TCTN2: variants seen among roughly 807,000 people sequenced by gnomAD.
TCTN2 encodes the protein tectonic-2.
Under a neutral mutation model 83.4 loss-of-function variants are expected in TCTN2, and 66 were observed. The observed-to-expected ratio is 0.79, with a 90% CI of 0.65 to 0.97. The LOEUF (loss-of-function observed/expected upper bound fraction) is 0.97. Ranked by LOEUF, TCTN2 falls within the 50% of genes least tolerant of loss-of-function variation. The pLI is 0.00. For missense variants in TCTN2, 794 were observed against 858.1 expected, an observed-to-expected ratio of 0.93 and a Z score of 0.93; for synonymous variants, 301 against 326.7, an observed-to-expected ratio of 0.92 and a Z score of 0.85.
chr12:123,671,657 G>A, intron 2 of TCTN2, 43 bp downstream of exon 2: 1 of 1,561,284 alleles, frequency 6.4e-7, no homozygotes, highest in Non-Finnish European at 8.8e-7. Context: ...GGTTGGACTG[G>A]ATCCAGACCT....
intron 5 of TCTN2, among the ~76,000 whole-genome samples, chr12:123,684,309 T>C (rs76862138): frequency 0.011 from 1,654 of 152,186 alleles, 37 homozygotes; most frequent in African/African-American, 0.038. Context: ...ACATAAGATC[T>C]ACCCTCTTAG....
At chr12:123,680,339 C>T (rs1344095516) in intron 5 of TCTN2, among the ~76,000 whole-genome samples, 15 of 126,468 alleles carry the variant, frequency 1.2e-4, no homozygotes, top group African/African-American at 3.6e-4. Context: ...GCAACAAGAG[C>T]GAAACTCCGT....
Position 123,671,612 on chromosome 12 carries a change from C to T in TCTN2, c.188C>T (p.Ala63Val). 3 of 1,611,414 alleles carry T rather than the reference C, an allele frequency of 1.9e-6. No individual in the cohort carries two copies. The highest frequency in any genetic ancestry group is 1.7e-6 in the Non-Finnish European group (2 of 1,179,646). ...TCCCTGGCAGTGCTGCAGGACGAGG[C>T]GGGTAAAGTCCGGCCCTCTTTTGGG... is the stretch of plus-strand genomic sequence containing the variant. ...TVSLAVLQDE[A>V]GILPIPTCGV... is the part of the protein sequence containing the mutation. The change falls in exon 2 of 18, where the codon GCG becomes GTG. Residue 63 changes from alanine to valine, a missense_variant and splice_region_variant. Ala to Val is a moderately conservative substitution (Grantham distance 64, BLOSUM62 0). Coordinates refer to ENST00000303372, the MANE Select transcript of TCTN2 (RefSeq NM_024809.5).
chr12:123,674,271 T>TTC (rs1006849050), intron 4 of TCTN2, among the ~76,000 whole-genome samples: 3 of 152,150 alleles, frequency 2.0e-5, no homozygotes, highest in African/African-American at 7.2e-5. Flanking sequence ...TGTACATTGA[T>TTC]TCTCTCTCTT....
chr12:123,673,871 G>T lies in TCTN2; in HGVS notation c.463+61G>T, dbSNP rs191555830. On this transcript the variant is annotated intron_variant, in intron 4 of 17. Coordinates refer to ENST00000303372, the MANE Select transcript of TCTN2 (RefSeq NM_024809.5). ...TGTTCCCAGCTACTTAGGAGGAAGA[G>T]GTAGGAGGATTGCTTGAGCCCGGGA... is the stretch of plus-strand genomic sequence containing the variant. The T allele has an allele frequency of 3.3e-4, 507 of 1,547,130 alleles. 2 individuals are homozygous for T. The African/African-American group carries it at 5.8e-3, about 18-fold the overall frequency.
intron 7 of TCTN2, among the ~76,000 whole-genome samples, chr12:123,688,851 G>T (rs1384794248): frequency 6.6e-6 from 1 of 151,908 alleles, no homozygotes; most frequent in Non-Finnish European, 1.5e-5. Flanking sequence ...TGCCTCCCGG[G>T]TTCAAGCGAT....
At position 123,696,444 on chromosome 12, in the gene TCTN2, C is replaced by G. The variant is rs1220219365; in HGVS notation, c.1342C>G (p.Leu448Val). The change falls in exon 12 of 18, where the codon CTA becomes GTA. Residue 448 changes from leucine to valine, a missense_variant. Physicochemically the swap from Leu to Val is conservative, Grantham distance 32. Coordinates refer to ENST00000303372, the MANE Select transcript of TCTN2 (RefSeq NM_024809.5). ...GYQLGKPVRA[L>V]NINRMNNVTT... The stretch of plus-strand genomic sequence containing the variant: ...CCAACTTGGCAAGCCTGTCCGAGCT[C>G]TAAATATCAACAGGATGAATAATGT... 6.2e-7 allele frequency: 1 copy of G among 1,614,126 alleles called. No homozygotes were observed. The highest frequency in any genetic ancestry group is 8.5e-7 in the Non-Finnish European group (1 of 1,180,020).
intron 11 of TCTN2, 86 bp downstream of exon 11, chr12:123,695,383 T>C (rs1298166394): frequency 7.7e-6 from 7 of 909,080 alleles, no homozygotes; most frequent in African/African-American, 3.3e-5. Flanking sequence ...TAAGTAACTC[T>C]CTCCAATTTA....
intron 5 of TCTN2, among the ~76,000 whole-genome samples, chr12:123,682,841 G>A (rs868298705): frequency 1.3e-5 from 2 of 151,976 alleles, no homozygotes; most frequent in South Asian, 4.1e-4. Flanking sequence ...ATTTGATGAA[G>A]TCCAATTTAT....
At chr12:123,697,005 T>G in intron 12 of TCTN2, 82 bp from the exon 13 acceptor site, 2 of 1,120,562 alleles carry the variant, frequency 1.8e-6, no homozygotes, top group Non-Finnish European at 1.4e-6. Flanking sequence ...CTTACTGTTT[T>G]CTGTTTTTCA....
chr12:123,687,088 G>A, intron 6 of TCTN2, 53 bp downstream of exon 6: 1 of 1,607,490 alleles, frequency 6.2e-7, no homozygotes, highest in Middle Eastern at 1.7e-4. Context: ...CGCCCTGGTG[G>A]GGCCATACTC....
rs942739172 is a variant in TCTN2, at chr12:123,671,267, T to G, written c.27T>G (p.Leu9=). Reference sequence around the variant, plus strand: ...TGGGCTTCCAGCCTCCGGCCGCTCTTCTTTTGAGGCTTTTCCTTCTGCAGG... The same window carrying G: ...TGGGCTTCCAGCCTCCGGCCGCTCTGCTTTTGAGGCTTTTCCTTCTGCAGG... MGFQPPAA[L]LLRLFLLQGI... is the part of the protein sequence containing the mutation. Residue 9 remains leucine, a synonymous_variant, in exon 1 of 18, where the codon CTT becomes CTG. Transcript: ENST00000303372. 4 of 1,613,624 alleles carry G rather than the reference T, an allele frequency of 2.5e-6. No homozygotes were observed. Among genetic ancestry groups the G allele is most frequent in the Non-Finnish European group, 2.5e-6 (3 of 1,179,992 alleles).
intron 5 of TCTN2, among the ~76,000 whole-genome samples, chr12:123,681,591 T>A (rs1052973017): frequency 1.3e-5 from 2 of 152,268 alleles, no homozygotes. Flanking sequence ...TTTTGGTGTT[T>A]GAATCCTATT....
In TCTN2 at chr12:123,707,010, G is replaced by T; in HGVS notation, c.1921G>T (p.Asp641Tyr). The change falls in exon 17 of 18, where the codon GAC becomes TAC. Residue 641 changes from aspartate to tyrosine, a missense_variant. Transcript: ENST00000303372. Reference sequence around the variant, plus strand: ...ATTCCAGATCAATTATACAGAGTATGACTGCAACAGAAATGAGGTGTGTTG... The same window carrying T: ...ATTCCAGATCAATTATACAGAGTATTACTGCAACAGAAATGAGGTGTGTTG... The part of the protein sequence containing the change: ...TRFQINYTEY[D>Y]CNRNEVCWPQ... 1 of 1,614,032 alleles carries T rather than the reference G, an allele frequency of 6.2e-7. No homozygotes were observed. The highest frequency in any genetic ancestry group is 1.1e-5 in the South Asian group (1 of 91,052).
chr12:123,694,870 T>C lies in TCTN2; in HGVS notation c.1128T>C (p.Pro376=), dbSNP rs7966867. ...CTCCTTTAAATAACGGATCAACCCC[T>C]AGAATTGTGAATGTGGAAGAACATT... The part of the protein sequence containing the change: ...TETPLNNGST[P]RIVNVEEHYI... The change falls in exon 10 of 18, where the codon CCT becomes CCC. Residue 376 remains proline, a synonymous_variant. Coordinates refer to ENST00000303372, the MANE Select transcript of TCTN2 (RefSeq NM_024809.5). The C allele has an allele frequency of 0.46, 735,807 of 1,611,480 alleles. 177,967 individuals carry two copies. The highest frequency in any genetic ancestry group is 0.83 in the African/African-American group (62,246 of 74,940).
chr12:123,684,678 G>A (rs1437845797), intron 5 of TCTN2, among the ~76,000 whole-genome samples: 18 of 151,960 alleles, frequency 1.2e-4, no homozygotes, highest in Admixed American at 1.2e-3. Flanking sequence ...GGGATTATAG[G>A]CGTGAGCCCC....
intron 10 of TCTN2, 89 bp from the exon 11 acceptor site, chr12:123,695,131 A>C: frequency 7.1e-7 from 1 of 1,410,192 alleles, no homozygotes; most frequent in Non-Finnish European, 1.0e-6. Flanking sequence ...TTGTATGACA[A>C]AATGCAATTT....
intron 10 of TCTN2, 36 bp from the exon 11 acceptor site, chr12:123,695,184 T>G (rs766784479): frequency 1.4e-6 from 2 of 1,445,214 alleles, no homozygotes; most frequent in Non-Finnish European, 1.9e-6. Flanking sequence ...CCTAGTGAAA[T>G]GGTGCACATT....
chr12:123,699,979 T>C, intron 14 of TCTN2, 169 bp downstream of exon 14: 1 of 674,878 alleles, frequency 1.5e-6, no homozygotes, highest in East Asian at 2.7e-5. Context: ...TTGGCATGTC[T>C]TTTTCTTCTT....
Sources: allele counts gnomAD v4.1 joint callset (sites outside exome capture counted in the v4.1 genomes callset), GRCh38; gene constraint gnomAD v4.1.1; transcripts MANE v1.5; gene names NCBI Gene and HGNC (gene_info 2026-07-23, HGNC 2026-07-21).